ZNF558: variants seen among roughly 807,000 people sequenced by gnomAD.
ZNF558 encodes the protein zinc finger protein 558.
A neutral mutation model predicts 37.6 loss-of-function variants in ZNF558; 23 were observed. The observed-to-expected ratio is 0.61, with a 90% CI of 0.44 to 0.87. The LOEUF is 0.87. Among genes scored for constraint, ZNF558 ranks in the 40% least tolerant of loss-of-function variants. The probability of loss-of-function intolerance (pLI) is 0.00; values close to 1 mark genes in which losing one functional copy is unlikely to be tolerated. For missense variants in ZNF558, 429 were observed against 483.7 expected, an observed-to-expected ratio of 0.89 and a Z score of 1.06; for synonymous variants, 189 against 174.4, an observed-to-expected ratio of 1.08 and a Z score of -0.66.
At chr19:8,836,465 C>T (rs556796045), upstream of ZNF558, among the ~76,000 whole-genome samples, 7 of 150,396 alleles carry the variant, frequency 4.7e-5, 2 homozygotes, top group Middle Eastern at 0.024. Flanking sequence ...TCCTCCTCCT[C>T]CCCCCCTCTC....
chr19:8,822,022 A>G lies in ZNF558; in HGVS notation c.101T>C (p.Leu34Pro). The G allele has an allele frequency of 6.2e-7, 1 of 1,613,990 alleles. No individual in the cohort carries two copies. The highest frequency in any genetic ancestry group is 8.5e-7 in the Non-Finnish European group (1 of 1,179,928). ...ACTCACCCGTAGCCAGCTTGTCAGG[A>G]GCTCATTAACCAGCTCTCCGCCCTG... ...HTQGGELVNE[L>P]LTSWLRGLVT... The change falls in exon 6 of 10, where the codon CTC becomes CCC. Residue 34 changes from leucine to proline, a missense_variant. By Grantham distance (98) the Leu-to-Pro change is moderately conservative. Coordinates refer to ENST00000601372, the MANE Select transcript of ZNF558 (RefSeq NM_144693.3). The surrounding 1 kb of genome is among the most constrained non-coding windows in gnomAD (Gnocchi z 4.4).
intron 6 of ZNF558, 103 bp downstream of exon 6, chr19:8,821,900 T>C: frequency 6.5e-7 from 1 of 1,546,166 alleles, no homozygotes. Context: ...CTGGGATGCC[T>C]GAGGACCTGG....
Position 8,806,843 on chromosome 19 carries a change from A to T in ZNF558, c.*4438T>A, listed in dbSNP as rs1381351642. The T allele has an allele frequency of 1.3e-5, 2 of 151,992 alleles. No homozygotes were observed. Among genetic ancestry groups the T allele is most frequent in the African/African-American group, 4.8e-5 (2 of 41,346 alleles). 9.4% of individuals were successfully genotyped at this position (151,992 alleles called of 1,614,324 possible). On this transcript the variant is annotated 3_prime_UTR_variant, in exon 10 of 10. Coordinates refer to ENST00000601372, the MANE Select transcript of ZNF558 (RefSeq NM_144693.3). ...ACCCTTTATATGTCAGATGTCATTC[A>T]TTGTCTTCTTGCTTCCATAGTTTCT...
At chr19:8,826,647 C>A (rs1220866378) in intron 2 of ZNF558, among the ~76,000 whole-genome samples, 1 of 152,136 alleles carries the variant, frequency 6.6e-6, no homozygotes, top group African/African-American at 2.4e-5. Context: ...CCACTCACAT[C>A]TTGCTGTGCA....
chr19:8,811,901 T>G lies in ZNF558; in HGVS notation c.589A>C (p.Ile197Leu). Residue 197 changes from isoleucine to leucine, a missense_variant, in exon 10 of 10, where the codon ATT becomes CTT. Ile to Leu is a conservative substitution (Grantham distance 5, BLOSUM62 2). Transcript: ENST00000601372. ...TCCCCATTATGGATTCTCTTATGAA[T>G]AGTAAGGTAAGATCTGCTACTGAAG... is the stretch of plus-strand genomic sequence containing the variant. ...KSFSSRSYLT[I>L]HKRIHNGEKP... 1 of 1,614,044 alleles carries G rather than the reference T, an allele frequency of 6.2e-7. No homozygotes were observed. The highest frequency in any genetic ancestry group is 1.1e-5 in the South Asian group (1 of 91,080).
intron 7 of ZNF558, among the ~76,000 whole-genome samples, chr19:8,818,269 T>C (rs1290672964): frequency 6.6e-6 from 1 of 151,972 alleles, no homozygotes; most frequent in Non-Finnish European, 1.5e-5. Context: ...CCGGCCAACA[T>C]GGTGGAACCC....
chr19:8,811,191 A>G lies in ZNF558; in HGVS notation c.*90T>C, dbSNP rs913064101. 9.9e-5 allele frequency: 136 copies of G among 1,373,780 alleles called. No homozygotes were observed. Among genetic ancestry groups the G allele is most frequent in the Non-Finnish European group, 1.2e-4 (127 of 1,021,316 alleles). The allele number at this position is 1,373,780 out of a possible 1,614,324, so 85.1% of individuals were successfully genotyped here. A position where few individuals can be genotyped will look rare whatever the true frequency, so the allele number is the denominator to read the frequency against. The stretch of plus-strand genomic sequence containing the variant: ...GGGGATCATTTGTTATGCTGCAACA[A>G]ATAACTTATATATCCAGTGTGAGCT... On this transcript the variant is annotated 3_prime_UTR_variant, in exon 10 of 10. Coordinates refer to ENST00000601372, the MANE Select transcript of ZNF558 (RefSeq NM_144693.3).
intron 7 of ZNF558, among the ~76,000 whole-genome samples, chr19:8,814,297 G>C (rs782314252): frequency 6.6e-5 from 10 of 152,136 alleles, no homozygotes; most frequent in African/African-American, 9.7e-5. Flanking sequence ...CTGTCTGGTG[G>C]TTCCCTGAAG....
At chr19:8,829,570 A>G (rs539463809) in intron 2 of ZNF558, among the ~76,000 whole-genome samples, 2 of 152,272 alleles carry the variant, frequency 1.3e-5, no homozygotes, top group South Asian at 2.1e-4. Flanking sequence ...TCCCTGTTAG[A>G]AGGTAAACTT....
chr19:8,812,667 T>G (rs782484655), intron 8 of ZNF558, 24 bp from the exon 9 acceptor site: 1 of 1,512,218 alleles, frequency 6.6e-7, no homozygotes, highest in South Asian at 1.2e-5. Context: ...AAAAGAAATT[T>G]AGGTTGATGG....
chr19:8,811,479 C>T lies in ZNF558; in HGVS notation c.1011G>A (p.Val337=), dbSNP rs1476936648. The part of the protein sequence containing the change: ...KSFSSSFSLT[V]HKRIHTGEKP... ...TCTCTCCGGTATGTATTCTCTTGTG[C>T]ACAGTAAGAGAAAAGCTACTGCTGA... is the stretch of plus-strand genomic sequence containing the variant. Residue 337 remains valine, a synonymous_variant, in exon 10 of 10, where the codon GTG becomes GTA. Transcript: ENST00000601372. The T allele has an allele frequency of 1.2e-6, 2 of 1,614,070 alleles. No individual in the cohort carries two copies. The highest frequency in any genetic ancestry group is 4.5e-5 in the East Asian group (2 of 44,872).
chr19:8,826,363 A>G (rs1464524018), intron 2 of ZNF558, among the ~76,000 whole-genome samples: 1 of 151,762 alleles, frequency 6.6e-6, no homozygotes, highest in Non-Finnish European at 1.5e-5. Context: ...TAATTATACG[A>G]CTCACCATAA....
chr19:8,833,665 A>G (rs1218590981), upstream of ZNF558: 1 of 152,264 alleles, frequency 6.6e-6, no homozygotes, highest in African/African-American at 2.4e-5. Flanking sequence ...TGTGATAAAT[A>G]GAATACATGG....
chr19:8,828,976 A>AG (rs977319756), intron 2 of ZNF558, among the ~76,000 whole-genome samples: 37 of 150,228 alleles, frequency 2.5e-4, no homozygotes, highest in African/African-American at 9.1e-4. Flanking sequence ...AAAAAAAAAA[A>AG]AAAGGCCGGG....
At position 8,806,310 on chromosome 19, in the gene ZNF558, T is replaced by C. The variant is rs2043703515; in HGVS notation, c.*4971A>G. The C allele has an allele frequency of 6.6e-6, 1 of 152,222 alleles. No individual in the cohort carries two copies. The highest frequency in any genetic ancestry group is 1.5e-5 in the Non-Finnish European group (1 of 68,040). 9.4% of individuals were successfully genotyped at this position (152,222 alleles called of 1,614,324 possible). A position where few individuals can be genotyped will look rare whatever the true frequency, so the allele number is the denominator to read the frequency against. ...CTGTTGATCTTAATTCCTGGAATTA[T>C]GTATGTCTCTATGGAATCATTTTCC... On this transcript the variant is annotated 3_prime_UTR_variant, in exon 10 of 10. Coordinates refer to ENST00000601372, the MANE Select transcript of ZNF558 (RefSeq NM_144693.3).
At chr19:8,832,624 G>C (rs2044390539), upstream of ZNF558, 1 of 152,582 alleles carries the variant, frequency 6.6e-6, no homozygotes, top group Non-Finnish European at 1.5e-5. Flanking sequence ...GGCTGAAGGC[G>C]GGGAACCGGC....
chr19:8,815,729 T>C (rs1273034203), intron 7 of ZNF558, among the ~76,000 whole-genome samples: 1 of 151,770 alleles, frequency 6.6e-6, no homozygotes, highest in Non-Finnish European at 1.5e-5. Context: ...AAGGCTGCAG[T>C]AAGCCACAAT....
chr19:8,820,246 C>G (rs1168717402), intron 7 of ZNF558, among the ~76,000 whole-genome samples: 1 of 152,120 alleles, frequency 6.6e-6, no homozygotes, highest in Admixed American at 6.5e-5. Context: ...TAAACACAGA[C>G]CTAGCCTTCC....
At chr19:8,823,004 C>T in intron 4 of ZNF558, 2 of 324,756 alleles carry the variant, frequency 6.2e-6, no homozygotes, top group South Asian at 3.8e-5. Flanking sequence ...CATCCAAGCG[C>T]ACCACAAACG....
Sources: gnomAD v4.1 joint callset for allele counts (sites outside exome capture counted in the v4.1 genomes callset) on GRCh38, gnomAD v4.1.1 for gene constraint, Gnocchi (gnomAD v3.1) non-coding constraint, MANE v1.5 for transcripts, NCBI Gene and HGNC (gene_info 2026-07-23, HGNC 2026-07-21) for gene names.